Variants in CNBD1 observed in about 807,000 individuals in gnomAD.
CNBD1 encodes the protein cyclic nucleotide binding domain containing 1.
Under a neutral mutation model 54.4 loss-of-function variants are expected in CNBD1, and 71 were observed. That is an observed-to-expected ratio of 1.30 (90% CI 1.08 to 1.59). CNBD1 has a LOEUF of 1.59. Ranked by LOEUF, CNBD1 falls within the 40% of genes most tolerant of loss-of-function variation. The pLI is 0.00. For synonymous variants in CNBD1, 182 were observed against 170.7 expected (o/e 1.07, Z -0.51); for missense variants, 659 against 518.0 (o/e 1.27, Z -2.64).
intron 4 of CNBD1, among the ~76,000 whole-genome samples, chr8:87,062,319 T>C: frequency 6.6e-6 from 1 of 152,178 alleles, no homozygotes; most frequent in East Asian, 1.9e-4. Context: ...TGTGAGTTTG[T>C]TGTATGTTTG....
chr8:87,359,074 A>G (rs1043559122), intron 10 of CNBD1, among the ~76,000 whole-genome samples: 2 of 152,156 alleles, frequency 1.3e-5, no homozygotes, highest in African/African-American at 2.4e-5. Flanking sequence ...GGCATCCCTT[A>G]GCCCAGTCAA....
chr8:87,115,238 C>T (rs1022559940), intron 4 of CNBD1, among the ~76,000 whole-genome samples: 4 of 152,110 alleles, frequency 2.6e-5, no homozygotes, highest in Non-Finnish European at 5.9e-5. Context: ...TTACTTTAGA[C>T]AATAGCAACA....
chr8:86,961,850 T>C (rs1807937206), intron 4 of CNBD1, among the ~76,000 whole-genome samples: 1 of 152,254 alleles, frequency 6.6e-6, no homozygotes, highest in South Asian at 2.1e-4. Flanking sequence ...ATCAGAGCTC[T>C]TTTATATAAA....
chr8:86,961,192 G>T (rs1392899416), intron 4 of CNBD1, among the ~76,000 whole-genome samples: 1 of 152,154 alleles, frequency 6.6e-6, no homozygotes, highest in Middle Eastern at 3.2e-3. Context: ...CCAATAGCTT[G>T]GAACCCTAGC....
At chr8:86,876,090 T>G (rs911674276) in intron 1 of CNBD1, among the ~76,000 whole-genome samples, 3 of 152,202 alleles carry the variant, frequency 2.0e-5, no homozygotes, top group Non-Finnish European at 2.9e-5. Flanking sequence ...TTTCTATGTT[T>G]CAATATTTAA....
chr8:87,334,376 C>T (rs963050414), intron 8 of CNBD1, among the ~76,000 whole-genome samples: 2 of 151,942 alleles, frequency 1.3e-5, no homozygotes, highest in Admixed American at 6.5e-5. Context: ...TCTCTATCTC[C>T]TTCAGTTCCA....
intron 2 of CNBD1, among the ~76,000 whole-genome samples, chr8:87,403,389 T>C (rs1209160241): frequency 6.6e-6 from 1 of 151,972 alleles, no homozygotes; most frequent in Non-Finnish European, 1.5e-5. Flanking sequence ...ATATGGCCAA[T>C]AGAGAGAAGA....
chr8:87,200,789 C>T (rs1369179973), intron 4 of CNBD1, among the ~76,000 whole-genome samples: 1 of 152,114 alleles, frequency 6.6e-6, no homozygotes, highest in South Asian at 2.1e-4. Context: ...AAGCAAATGC[C>T]AGTCCTAGAT....
chr8:87,083,840 G>A (rs563670756), intron 4 of CNBD1, among the ~76,000 whole-genome samples: 6 of 151,892 alleles, frequency 4.0e-5, no homozygotes, highest in Non-Finnish European at 5.9e-5. Context: ...CGCCTGCCTC[G>A]GCCTCCCAAA....
At chr8:86,899,826 T>C (rs2131802777) in intron 2 of CNBD1, among the ~76,000 whole-genome samples, 1 of 152,280 alleles carries the variant, frequency 6.6e-6, no homozygotes, top group Admixed American at 6.5e-5. Flanking sequence ...GTGTGCACCA[T>C]CAAGCTAAGC....
At chr8:87,288,286 A>G (rs1157057872) in intron 8 of CNBD1, among the ~76,000 whole-genome samples, 1 of 151,702 alleles carries the variant, frequency 6.6e-6, no homozygotes, top group African/African-American at 2.4e-5. Flanking sequence ...TTTATTTTTT[A>G]TGGTTGTTTT....
intron 4 of CNBD1, among the ~76,000 whole-genome samples, chr8:87,172,089 G>C (rs1813100560): frequency 6.6e-6 from 1 of 151,864 alleles, no homozygotes; most frequent in Non-Finnish European, 1.5e-5. Flanking sequence ...TGATTCAATG[G>C]ACATTCAGGA....
At chr8:86,957,479 G>A (rs1016092274) in intron 4 of CNBD1, among the ~76,000 whole-genome samples, 1 of 152,024 alleles carries the variant, frequency 6.6e-6, no homozygotes, top group East Asian at 1.9e-4. Context: ...TTGGTTGGTA[G>A]GCTATTAATT....
rs1809442076 is a variant in CNBD1, at chr8:87,318,237, T to A, written c.1042+31566T>A. Reference sequence around the variant, plus strand: ...TTTATTATAGATTATATACCCATGCTTCTTTGCATGCTTTGTAATTTTGCA... The same window carrying A: ...TTTATTATAGATTATATACCCATGCATCTTTGCATGCTTTGTAATTTTGCA... On this transcript the variant is annotated intron_variant, in intron 8 of 10. Transcript: ENST00000518476. Among the ~76,000 whole-genome samples, 3 of 152,110 alleles carry A rather than the reference T, an allele frequency of 2.0e-5. No homozygotes were observed. In the South Asian group the frequency reaches 6.2e-4, roughly 31 times the overall value.
Position 87,406,741 on chromosome 8 carries a change from A to G in CNBD1, c.214-21805A>G, listed in dbSNP as rs529672100. Among the ~76,000 whole-genome samples the G allele has an allele frequency of 9.2e-5, 14 of 152,036 alleles. No homozygotes were observed. The East Asian group carries it at 2.5e-3, about 28-fold the overall frequency. On this transcript the variant is annotated intron_variant, in intron 2 of 7. Transcript: ENST00000521593. ...GATCTGCCAGCCTTGGCCTCCCAAA[A>G]TGCTGGGATTACAGGGGAAAGCCAC...
In CNBD1 at chr8:86,941,642, C is replaced by A. The variant is rs151085677; in HGVS notation, c.431+1888C>A. ...ATTCTGCACTGCAATGTCAAAATAC[C>A]AGGAGGTAAATCTAGGTCAATGTCA... On this transcript the variant is annotated intron_variant, in intron 4 of 10. Transcript: ENST00000518476. Among the ~76,000 whole-genome samples, 140 of 152,162 alleles carry A rather than the reference C, an allele frequency of 9.2e-4. 1 individual carries two copies. In the East Asian group the frequency reaches 0.019, roughly 20 times the overall value.
At chr8:87,329,172 A>G (rs1809758491) in intron 8 of CNBD1, among the ~76,000 whole-genome samples, 1 of 151,998 alleles carries the variant, frequency 6.6e-6, no homozygotes, top group Non-Finnish European at 1.5e-5. Context: ...TGTTCTTTGG[A>G]AAGACTACCT....
chr8:87,290,288 T>A (rs1274241965), intron 8 of CNBD1, among the ~76,000 whole-genome samples: 9 of 152,132 alleles, frequency 5.9e-5, no homozygotes, highest in Non-Finnish European at 4.4e-5. Flanking sequence ...TTCATTATAT[T>A]AGACATCATA....
At chr8:86,946,227 T>C (rs1340126511) in intron 4 of CNBD1, among the ~76,000 whole-genome samples, 3 of 152,188 alleles carry the variant, frequency 2.0e-5, no homozygotes, top group Non-Finnish European at 4.4e-5. Context: ...ATTTTTAATA[T>C]ATTCAAGAAA....
Sources: gnomAD v4.1 joint callset for allele counts (sites outside exome capture counted in the v4.1 genomes callset) on GRCh38, gnomAD v4.1.1 for gene constraint, MANE v1.5 for transcripts, NCBI Gene and HGNC (gene_info 2026-07-23, HGNC 2026-07-21) for gene names.